CPLANE2: variants seen among roughly 807,000 people sequenced by gnomAD.
The protein encoded by CPLANE2 is ciliogenesis and planar polarity effector complex subunit 2, also known as ciliogenesis and planar polarity effector 2.
CPLANE2 carries 24 observed loss-of-function variants against 20.9 expected under a neutral mutation model. That is an observed-to-expected ratio of 1.15 (90% CI 0.83 to 1.61). The LOEUF (loss-of-function observed/expected upper bound fraction) is 1.61, where lower values mean the gene tolerates loss of function less well. Among genes scored for constraint, CPLANE2 ranks in the 40% most tolerant of loss-of-function variants. The probability of loss-of-function intolerance (pLI) is 0.00; values close to 1 mark genes in which losing one functional copy is unlikely to be tolerated. For synonymous variants in CPLANE2, 132 were observed against 144.3 expected (o/e 0.92, Z 0.61); for missense variants, 330 against 355.1 (o/e 0.93, Z 0.57).
At chr1:16,235,877 C>T (rs563546685) in intron 1 of CPLANE2, among the ~76,000 whole-genome samples, 5 of 152,168 alleles carry the variant, frequency 3.3e-5, no homozygotes, top group South Asian at 2.1e-4. Flanking sequence ...GATGGGGTTT[C>T]GCCATGTTGG....
In CPLANE2 at chr1:16,232,884, C is replaced by A; in HGVS notation, c.390+9G>T. On this transcript the variant is annotated intron_variant, in intron 3 of 4. Coordinates refer to ENST00000375599, the MANE Select transcript of CPLANE2 (RefSeq NM_030907.4). ...GGCAGAACCCACCCAGGCCCACATG[C>A]CTGCTCACCAGCAGCATATGATCGA... 1 of 1,614,010 alleles carries A rather than the reference C, an allele frequency of 6.2e-7. No homozygotes were observed. The highest frequency in any genetic ancestry group is 8.5e-7 in the Non-Finnish European group (1 of 1,179,922).
intron 1 of CPLANE2, among the ~76,000 whole-genome samples, chr1:16,236,085 C>G (rs559477295): frequency 6.6e-6 from 1 of 152,362 alleles, no homozygotes; most frequent in South Asian, 2.1e-4. Flanking sequence ...GGTCTTAAGT[C>G]TTCTGGCACC....
Position 16,232,162 on chromosome 1 carries a change from C to T in CPLANE2, c.663G>A (p.Arg221=). Residue 221 remains arginine (R), a synonymous_variant, in exon 5 of 5, where the codon CGG becomes CGA. Coordinates refer to ENST00000375599, the MANE Select transcript of CPLANE2 (RefSeq NM_030907.4). ...RLADGRTLDG[R]AGLADVAHIL... ...TGTGGGCAACGTCGGCCAGCCCAGC[C>T]CGCCCGTCCAGTGTGCGCCCATCAG... The T allele has an allele frequency of 1.9e-6, 3 of 1,613,292 alleles. No homozygotes were observed. Among genetic ancestry groups the T allele is most frequent in the African/African-American group, 1.3e-5 (1 of 75,048 alleles).
At position 16,232,314 on chromosome 1, in the gene CPLANE2, G is replaced by A. The variant is rs1187687068; in HGVS notation, c.528-17C>T. On this transcript the variant is annotated splice_polypyrimidine_tract_variant and intron_variant, in intron 4 of 4. Transcript: ENST00000375599. ...TGGTCAAATCTGGAGGAGGGTCAAGGAGCCTAACTGGGTGCCTCTGCACAG... is the reference window on the plus strand; with the variant it reads ...TGGTCAAATCTGGAGGAGGGTCAAGAAGCCTAACTGGGTGCCTCTGCACAG... The A allele has an allele frequency of 2.5e-6, 4 of 1,593,868 alleles. No individual in the cohort carries two copies. The highest frequency in any genetic ancestry group is 2.3e-5 in the East Asian group (1 of 44,216).
intron 1 of CPLANE2, 99 bp from the exon 2 acceptor site, chr1:16,233,863 T>G: frequency 7.7e-7 from 1 of 1,305,592 alleles, no homozygotes. Context: ...AATGCACCAG[T>G]GTTAGGAAGT....
At position 16,232,141 on chromosome 1, in the gene CPLANE2, G is replaced by A. The variant is rs1480700323; in HGVS notation, c.684C>T (p.Ala228=). 6.2e-7 allele frequency: 1 copy of A among 1,613,468 alleles called. No homozygotes were observed. Residue 228 remains alanine, a synonymous_variant, in exon 5 of 5, where the codon GCC becomes GCT. Coordinates refer to ENST00000375599, the MANE Select transcript of CPLANE2 (RefSeq NM_030907.4). ...LDGRAGLADV[A]HILNGLAEQL... Reference sequence around the variant, plus strand: ...GCTCAGCAAGGCCATTGAGTATGTGGGCAACGTCGGCCAGCCCAGCCCGCC... The same window carrying A: ...GCTCAGCAAGGCCATTGAGTATGTGAGCAACGTCGGCCAGCCCAGCCCGCC...
At chr1:16,235,811 G>A (rs912336972) in intron 1 of CPLANE2, among the ~76,000 whole-genome samples, 2 of 150,904 alleles carry the variant, frequency 1.3e-5, no homozygotes. Context: ...CTCCCAAGTA[G>A]CTGGGATTAC....
rs717863 is a variant in CPLANE2, at chr1:16,237,140, A to G, written c.-398T>C. 115,718 of 158,484 alleles carry G rather than the reference A, an allele frequency of 0.73. 42,889 individuals are homozygous for G. Among genetic ancestry groups the G allele is most frequent in the East Asian group, 0.85 (4,610 of 5,392 alleles). The allele number at this position is 158,484 out of a possible 1,614,324, so 9.8% of individuals were successfully genotyped here. Reference sequence around the variant, plus strand: ...CCCGCCGCCCCAGCCCGCCGGGCCCACTTCCGCCCCGCCTGCGTCCGCCTT... The same window carrying G: ...CCCGCCGCCCCAGCCCGCCGGGCCCGCTTCCGCCCCGCCTGCGTCCGCCTT... On this transcript the variant is annotated 5_prime_UTR_variant, in exon 1 of 5. Coordinates refer to ENST00000375599, the MANE Select transcript of CPLANE2 (RefSeq NM_030907.4).
In CPLANE2 at chr1:16,231,839, T is replaced by A; in HGVS notation, c.*209A>T. On this transcript the variant is annotated 3_prime_UTR_variant, in exon 5 of 5. Transcript: ENST00000375599. ...CCAAAGGGGGAAAGGCCACGGGAGATGTTCGAGCTCAGGGCCTTGGTCCCC... is the reference window on the plus strand; with the variant it reads ...CCAAAGGGGGAAAGGCCACGGGAGAAGTTCGAGCTCAGGGCCTTGGTCCCC... 1 of 659,856 alleles carries A rather than the reference T, an allele frequency of 1.5e-6. No individual in the cohort carries two copies. Among genetic ancestry groups the A allele is most frequent in the Non-Finnish European group, 2.5e-6 (1 of 396,492 alleles). The allele number at this position is 659,856 out of a possible 1,614,324, so 40.9% of individuals were successfully genotyped here. A position where few individuals can be genotyped will look rare whatever the true frequency, so the allele number is the denominator to read the frequency against.
In CPLANE2 at chr1:16,233,981, GT is replaced by G. The variant is rs1232474444; in HGVS notation, c.113-218del. Among the ~76,000 whole-genome samples, 20 of 152,314 alleles carry G rather than the reference GT, an allele frequency of 1.3e-4. 1 individual carries two copies. Among genetic ancestry groups the G allele is most frequent in the African/African-American group, 4.1e-4 (17 of 41,566 alleles). On this transcript the variant is annotated intron_variant, in intron 1 of 4. Coordinates refer to ENST00000375599, the MANE Select transcript of CPLANE2 (RefSeq NM_030907.4). ...TTTGGGCGCCTCTTGCTGTCTTGCTGTTGCCCTTCTGCCTTCTGCCACGGGA... is the reference window on the plus strand; with the variant it reads ...TTTGGGCGCCTCTTGCTGTCTTGCTGTGCCCTTCTGCCTTCTGCCACGGGA...
At chr1:16,234,720 A>C (rs1312733763) in intron 1 of CPLANE2, among the ~76,000 whole-genome samples, 2 of 151,648 alleles carry the variant, frequency 1.3e-5, no homozygotes, top group South Asian at 4.2e-4. Flanking sequence ...GGGCTAACCA[A>C]CCATCTGTGG....
Position 16,233,715 on chromosome 1 carries a change from G to A in CPLANE2, c.162C>T (p.Ala54=). 6.2e-7 allele frequency: 1 copy of A among 1,614,180 alleles called. No homozygotes were observed. Among genetic ancestry groups the A allele is most frequent in the Non-Finnish European group, 8.5e-7 (1 of 1,180,042 alleles). The part of the protein sequence containing the change: ...VLLPPVSIDT[A]SYKIFVSGKS... ...TCCCGGACACAAAGATCTTGTAGCT[G>A]GCAGTGTCAATGGACACAGGCGGCA... The change falls in exon 2 of 5, where the codon GCC becomes GCT. Residue 54 remains alanine (A), a synonymous_variant. Transcript: ENST00000375599.
In CPLANE2 at chr1:16,232,964, C is replaced by T. The variant is rs919008628; in HGVS notation, c.319G>A (p.Val107Ile). 3 of 1,614,084 alleles carry T rather than the reference C, an allele frequency of 1.9e-6. No individual in the cohort carries two copies. Among genetic ancestry groups the T allele is most frequent in the Non-Finnish European group, 2.5e-6 (3 of 1,180,038 alleles). ...CAGAACTCAAAACGAAACATGACGACACGGCTGCTGGCCTGCAGCTTGGCT... is the reference window on the plus strand; with the variant it reads ...CAGAACTCAAAACGAAACATGACGATACGGCTGCTGGCCTGCAGCTTGGCT... ...WPAKLQASSR[V>I]VMFRFEFWDC... Residue 107 changes from valine (V) to isoleucine (I), a missense_variant, in exon 3 of 5, where the codon GTC becomes ATC. By Grantham distance (29) the Val-to-Ile change is conservative. Coordinates refer to ENST00000375599, the MANE Select transcript of CPLANE2 (RefSeq NM_030907.4).
At position 16,233,722 on chromosome 1, in the gene CPLANE2, T is replaced by C; in HGVS notation, c.155A>G (p.Asp52Gly). 1 of 1,614,128 alleles carries C rather than the reference T, an allele frequency of 6.2e-7. No homozygotes were observed. Among genetic ancestry groups the C allele is most frequent in the South Asian group, 1.1e-5 (1 of 91,088 alleles). The change falls in exon 2 of 5, where the codon GAC (aspartate) becomes GGC (glycine). Residue 52 changes from aspartate to glycine, a missense_variant. Asp to Gly is a moderately conservative substitution (Grantham distance 94). Coordinates refer to ENST00000375599, the MANE Select transcript of CPLANE2 (RefSeq NM_030907.4). Reference sequence around the variant, plus strand: ...CACAAAGATCTTGTAGCTGGCAGTGTCAATGGACACAGGCGGCAGCAGCAC... The same window carrying C: ...CACAAAGATCTTGTAGCTGGCAGTGCCAATGGACACAGGCGGCAGCAGCAC... ...RPVLLPPVSI[D>G]TASYKIFVSG...
At position 16,232,595 on chromosome 1, in the gene CPLANE2, G is replaced by T. The variant is rs375956373; in HGVS notation, c.442C>A (p.Arg148Ser). Residue 148 changes from arginine to serine, a missense_variant, in exon 4 of 5, where the codon CGT (arginine) becomes AGT (serine). Physicochemically the swap from Arg to Ser is moderately radical, Grantham distance 110. Transcript: ENST00000375599. ...AFLFLFSFTD[R>S]ASFEDLPGQL... ...CCAGGGAGGTCTTCAAAGGAGGCACGGTCAGTGAAGGAGAAGAGGAAGAGG... is the reference window on the plus strand; with the variant it reads ...CCAGGGAGGTCTTCAAAGGAGGCACTGTCAGTGAAGGAGAAGAGGAAGAGG... The T allele has an allele frequency of 2.5e-6, 4 of 1,614,000 alleles. No individual in the cohort carries two copies. The highest frequency in any genetic ancestry group is 3.3e-5 in the Admixed American group (2 of 59,998).
chr1:16,235,319 G>A (rs1288700746), intron 1 of CPLANE2, among the ~76,000 whole-genome samples: 1 of 152,178 alleles, frequency 6.6e-6, no homozygotes, highest in Non-Finnish European at 1.5e-5. Context: ...ATGGTCAGTG[G>A]ATTCTATGAT....
chr1:16,236,566 C>T (rs2081466890), intron 1 of CPLANE2, 65 bp downstream of exon 1: 5 of 1,264,346 alleles, frequency 4.0e-6, no homozygotes, highest in Non-Finnish European at 4.5e-6. Context: ...CAGGGAGCAA[C>T]AGGTGACACT....
intron 2 of CPLANE2, among the ~76,000 whole-genome samples, 176 bp downstream of exon 2, chr1:16,233,436 C>G (rs1489668295): frequency 6.6e-6 from 1 of 152,212 alleles, no homozygotes; most frequent in African/African-American, 2.4e-5. Context: ...CTAGTGGCAA[C>G]CACACAACAA....
rs1389243634 is a variant in CPLANE2 at position 16,233,740 on chromosome 1, A to G, written c.137T>C (p.Leu46Pro). ...VFGLLERPVL[L>P]PPVSIDTASY... ...GGCAGTGTCAATGGACACAGGCGGC[A>G]GCAGCACTGGCCGCTCAAGCAGCCC... The change falls in exon 2 of 5, where the codon CTG (leucine) becomes CCG (proline). Residue 46 changes from leucine (L) to proline (P), a missense_variant. By Grantham distance (98) the Leu-to-Pro change is moderately conservative. Transcript: ENST00000375599. 4 of 1,614,142 alleles carry G rather than the reference A, an allele frequency of 2.5e-6. No individual in the cohort carries two copies. The highest frequency in any genetic ancestry group is 3.4e-6 in the Non-Finnish European group (4 of 1,180,020).
Sources: gnomAD v4.1 joint callset for allele counts (sites outside exome capture counted in the v4.1 genomes callset) on GRCh38, gnomAD v4.1.1 for gene constraint, MANE v1.5 for transcripts, NCBI Gene and HGNC (gene_info 2026-07-23, HGNC 2026-07-21) for gene names.